Variants in CACNA1B observed in about 807,000 individuals in gnomAD.
CACNA1B encodes voltage-dependent N-type calcium channel subunit alpha-1B.
A neutral mutation model predicts 247.2 loss-of-function variants in CACNA1B; 70 were observed. The observed-to-expected ratio is 0.28, with a 90% CI of 0.23 to 0.35. The LOEUF (loss-of-function observed/expected upper bound fraction) is 0.35, where lower values mean the gene tolerates loss of function less well. Among genes scored for constraint, CACNA1B ranks in the 10% least tolerant of loss-of-function variants. The probability of loss-of-function intolerance (pLI) is 1.00; values close to 1 mark genes in which losing one functional copy is unlikely to be tolerated. For missense variants in CACNA1B, 2,367 were observed against 3,197.4 expected (o/e 0.74, Z 6.26); for synonymous variants, 1,231 against 1,294.4 (o/e 0.95, Z 1.05).
In CACNA1B at chr9:137,959,947, T is replaced by C. The variant is rs1248922235; in HGVS notation, c.1333+2260T>C. 2.6e-5 allele frequency among the ~76,000 whole-genome samples: 4 copies of C among 151,592 alleles called. No homozygotes were observed. The East Asian group carries it at 5.8e-4, about 22-fold the overall frequency. ...GGTCAGGAAGGCAGGAGTGGAAGCG[T>C]GTGGAGGGGGGGCGGTGCCAGAAGT... On this transcript the variant is annotated intron_variant, in intron 10 of 46. Transcript: ENST00000371372.
chr9:137,903,350 C>T (rs935278335), intron 3 of CACNA1B, among the ~76,000 whole-genome samples: 3 of 152,190 alleles, frequency 2.0e-5, no homozygotes, highest in African/African-American at 4.8e-5. Flanking sequence ...TGAGCCACTG[C>T]ACTCCAGCCT....
At chr9:138,039,713 A>G (rs1309667298) in intron 20 of CACNA1B, among the ~76,000 whole-genome samples, 1 of 152,086 alleles carries the variant, frequency 6.6e-6, no homozygotes, top group Non-Finnish European at 1.5e-5. Context: ...GTTTTCTTTG[A>G]AATTCATTTG....
At chr9:138,085,993 G>A (rs1017652353) in intron 36 of CACNA1B, among the ~76,000 whole-genome samples, 1 of 150,738 alleles carries the variant, frequency 6.6e-6, no homozygotes, top group Non-Finnish European at 1.5e-5. Context: ...TCACAAAAGA[G>A]AAAGAGAAAA....
At position 138,053,933 on chromosome 9, in the gene CACNA1B, A is replaced by G; in HGVS notation, c.3895A>G (p.Ile1299Val). ...GCTCTTCATGTTCATATTTGCCGTCATTGCGGTGCAGCTCTTCAAAGGGAA... is the reference window on the plus strand; with the variant it reads ...GCTCTTCATGTTCATATTTGCCGTCGTTGCGGTGCAGCTCTTCAAAGGGAA... ...YMLFMFIFAVIAVQLFKGKFF... is the reference protein window; with the variant it reads ...YMLFMFIFAVVAVQLFKGKFF... The change falls in exon 26 of 47, where the codon ATT becomes GTT. Residue 1299 changes from isoleucine to valine, a missense_variant. This residue lies in a region of CACNA1B where 436 missense variants were observed against 679.5 expected (regional missense o/e 0.64). Transcript: ENST00000371372. 2 of 1,613,808 alleles carry G rather than the reference A, an allele frequency of 1.2e-6. No individual in the cohort carries two copies. The highest frequency in any genetic ancestry group is 1.7e-6 in the Non-Finnish European group (2 of 1,179,700).
chr9:138,006,702 G>T (rs888629669), intron 15 of CACNA1B, 65 bp from the exon 16 acceptor site: 6 of 845,126 alleles, frequency 7.1e-6, no homozygotes, highest in African/African-American at 1.7e-5. Context: ...TCATGTGGGT[G>T]GGGGTGCGTG....
In CACNA1B at chr9:137,997,974, C is replaced by T. The variant is rs564703715; in HGVS notation, c.1975-8793C>T. On this transcript the variant is annotated intron_variant, in intron 15 of 46. Coordinates refer to ENST00000371372, the MANE Select transcript of CACNA1B (RefSeq NM_000718.4). Reference sequence around the variant, plus strand: ...GCCTTAGAACTAAATGTATTTATAGCGTATGATACTATTTAAGGATGAACA... The same window carrying T: ...GCCTTAGAACTAAATGTATTTATAGTGTATGATACTATTTAAGGATGAACA... 6.6e-5 allele frequency among the ~76,000 whole-genome samples: 10 copies of T among 152,284 alleles called. No individual in the cohort carries two copies. In the South Asian group the frequency reaches 1.0e-3, roughly 16 times the overall value.
chr9:137,954,484 T>A lies in CACNA1B; in HGVS notation c.1071-1214T>A, dbSNP rs1957920550. On this transcript the variant is annotated intron_variant, in intron 7 of 46. Coordinates refer to ENST00000371372, the MANE Select transcript of CACNA1B (RefSeq NM_000718.4). This position sits in a 1 kb window ranked among gnomAD's most constrained non-coding sequence, Gnocchi z 4.1. The stretch of plus-strand genomic sequence containing the variant: ...GCCACTGCGTGAGAAGCAGCTGCTC[T>A]GTGGAGGGGGCCAGACTGCTGGGGG... Among the ~76,000 whole-genome samples, 1 of 152,168 alleles carries A rather than the reference T, an allele frequency of 6.6e-6. No individual in the cohort carries two copies.
chr9:138,106,964 C>A (rs938235373), intron 39 of CACNA1B, among the ~76,000 whole-genome samples: 2 of 152,198 alleles, frequency 1.3e-5, no homozygotes, highest in African/African-American at 4.8e-5. Flanking sequence ...AGCTCATGGG[C>A]TGTCCATGGC....
intron 15 of CACNA1B, among the ~76,000 whole-genome samples, chr9:138,000,297 A>T (rs1056151465): frequency 1.3e-5 from 2 of 152,046 alleles, no homozygotes; most frequent in Non-Finnish European, 2.9e-5. Context: ...ACAGGGTTTC[A>T]CCGTGTTAGC....
intron 6 of CACNA1B, among the ~76,000 whole-genome samples, chr9:137,934,983 C>T (rs1317891240): frequency 6.6e-6 from 1 of 152,108 alleles, no homozygotes; most frequent in African/African-American, 2.4e-5. Context: ...AGAAGAAATC[C>T]CGGATTTACC....
intron 3 of CACNA1B, among the ~76,000 whole-genome samples, chr9:137,894,963 A>G (rs778619207): frequency 1.3e-5 from 2 of 151,998 alleles, no homozygotes; most frequent in Non-Finnish European, 2.9e-5. Flanking sequence ...GAGCGTGAAG[A>G]TTTTTCCCGT....
chr9:138,048,287 C>T (rs1959200065), intron 23 of CACNA1B, among the ~76,000 whole-genome samples: 1 of 152,182 alleles, frequency 6.6e-6, no homozygotes, highest in South Asian at 2.1e-4. Flanking sequence ...TGAAGGTCTG[C>T]GTAACTGCAG....
chr9:137,992,719 A>G (rs1958446278), intron 15 of CACNA1B, among the ~76,000 whole-genome samples: 1 of 152,060 alleles, frequency 6.6e-6, no homozygotes, highest in African/African-American at 2.4e-5. Flanking sequence ...ATTTAAAAAA[A>G]TCTAAATTTG....
intron 15 of CACNA1B, among the ~76,000 whole-genome samples, chr9:138,000,010 G>A (rs1415248332): frequency 6.6e-6 from 1 of 151,576 alleles, no homozygotes; most frequent in Non-Finnish European, 1.5e-5. Flanking sequence ...AAAGGGAGTC[G>A]TAACTATAGG....
At chr9:137,975,796 TGGAAGGCTCAGCCCTG>T (rs558647213) in intron 11 of CACNA1B, 95 bp from the exon 12 acceptor site, 1 of 721,858 alleles carries the variant, frequency 1.4e-6, no homozygotes, top group East Asian at 2.7e-5. Flanking sequence ...AGGCCAGGCC[TGGAAGGCTCAGCCCTG>T]GGAAGGCCCA....
At position 138,057,081 on chromosome 9, in the gene CACNA1B, G is replaced by T. The variant is rs1026734360; in HGVS notation, c.3969-651G>T. Among the ~76,000 whole-genome samples the T allele has an allele frequency of 3.3e-5, 5 of 151,792 alleles. No individual in the cohort carries two copies. The highest frequency in any genetic ancestry group is 4.8e-5 in the African/African-American group (2 of 41,344). On this transcript the variant is annotated intron_variant, in intron 26 of 46. Coordinates refer to ENST00000371372, the MANE Select transcript of CACNA1B (RefSeq NM_000718.4). The surrounding 1 kb of genome is among the most constrained non-coding windows in gnomAD (Gnocchi z 4.0). Reference sequence around the variant, plus strand: ...CTCCCGAGTAGCTGGGACTATAGGCGCCCGCCACCACGCCCGGCTAATTAT... The same window carrying T: ...CTCCCGAGTAGCTGGGACTATAGGCTCCCGCCACCACGCCCGGCTAATTAT...
chr9:138,014,699 C>T lies in CACNA1B; in HGVS notation c.2267+1464C>T, dbSNP rs1004588853. ...TCAGCTCCTGGCCTCGCGCAGGCCTCGTGTTGTTCTCCTGAAGACTTGCCT... is the reference window on the plus strand; with the variant it reads ...TCAGCTCCTGGCCTCGCGCAGGCCTTGTGTTGTTCTCCTGAAGACTTGCCT... On this transcript the variant is annotated intron_variant, in intron 18 of 46. Coordinates refer to ENST00000371372, the MANE Select transcript of CACNA1B (RefSeq NM_000718.4). This position sits in a 1 kb window ranked among gnomAD's most constrained non-coding sequence, Gnocchi z 6.2. Among the ~76,000 whole-genome samples the T allele has an allele frequency of 2.6e-5, 4 of 152,100 alleles. No homozygotes were observed. Among genetic ancestry groups the T allele is most frequent in the African/African-American group, 7.2e-5 (3 of 41,394 alleles).
At chr9:138,069,428 A>G (rs1284675106) in intron 31 of CACNA1B, among the ~76,000 whole-genome samples, 2 of 152,244 alleles carry the variant, frequency 1.3e-5, no homozygotes, top group Admixed American at 6.5e-5. Context: ...AAGAATGCAA[A>G]TGAATGCCAC....
intron 15 of CACNA1B, among the ~76,000 whole-genome samples, chr9:138,000,281 G>T (rs987985190): frequency 6.6e-6 from 1 of 151,986 alleles, no homozygotes; most frequent in Non-Finnish European, 1.5e-5. Context: ...TGTATTTTTA[G>T]TAGAGACAGG....
Sources: gnomAD v4.1 joint callset for allele counts (sites outside exome capture counted in the v4.1 genomes callset) on GRCh38, gnomAD v4.1.1 for gene constraint, gnomAD v4.1.1 regional missense constraint, Gnocchi (gnomAD v3.1) non-coding constraint, MANE v1.5 for transcripts, NCBI Gene and HGNC (gene_info 2026-07-23, HGNC 2026-07-21) for gene names.